The following ASTN2 variants were observed in gnomAD, a reference collection of about 807,000 sequenced individuals.
ASTN2 encodes the protein astrotactin-2.
ASTN2 carries 54 observed loss-of-function variants against 139.8 expected under a neutral mutation model. The ratio of observed to expected loss-of-function variants is 0.39; its 90% CI spans 0.31 to 0.48. The LOEUF (loss-of-function observed/expected upper bound fraction) is 0.48, where lower values mean the gene tolerates loss of function less well. Among genes scored for constraint, ASTN2 ranks in the 20% least tolerant of loss-of-function variants. The pLI, the probability that ASTN2 is intolerant of heterozygous loss-of-function variation, is 0.95. For synonymous variants in ASTN2, 756 were observed against 719.5 expected (o/e 1.05, Z -0.81); for missense variants, 1,565 against 1,725.1 (o/e 0.91, Z 1.64).
chr9:117,169,545 A>G (rs952410901), intron 3 of ASTN2, among the ~76,000 whole-genome samples: 2 of 152,158 alleles, frequency 1.3e-5, no homozygotes, highest in African/African-American at 4.8e-5. Context: ...AACACAGACC[A>G]GATAAAACAG....
chr9:117,063,168 G>A (rs1472462892), intron 5 of ASTN2, among the ~76,000 whole-genome samples: 4 of 152,068 alleles, frequency 2.6e-5, no homozygotes, highest in Non-Finnish European at 5.9e-5. Context: ...ATATTCCATG[G>A]TAATATGTTA....
chr9:117,102,832 T>A (rs963638157), intron 4 of ASTN2, among the ~76,000 whole-genome samples: 1 of 152,086 alleles, frequency 6.6e-6, no homozygotes, highest in East Asian at 1.9e-4. Context: ...AATTAATGAT[T>A]AATTTTATCT....
chr9:116,857,822 C>G (rs1246917641), intron 11 of ASTN2, among the ~76,000 whole-genome samples: 2 of 152,154 alleles, frequency 1.3e-5, no homozygotes, highest in African/African-American at 2.4e-5. Context: ...AGCTCTTTCC[C>G]CCTTGAATCT....
chr9:117,332,646 G>C (rs911599533), intron 1 of ASTN2, among the ~76,000 whole-genome samples: 1 of 152,110 alleles, frequency 6.6e-6, no homozygotes, highest in Non-Finnish European at 1.5e-5. Context: ...AGGCTTGGGG[G>C]CTTAAGTCAC....
rs1354299846 is a variant in ASTN2, at chr9:117,207,258, A to G, written c.1015+7100T>C. Reference sequence around the variant, plus strand: ...AGCTATATGGCCATGTCCCAGGTCCAAAAGAGTCCTGTGGGCCACCACCCA... The same window carrying G: ...AGCTATATGGCCATGTCCCAGGTCCGAAAGAGTCCTGTGGGCCACCACCCA... On this transcript the variant is annotated intron_variant, in intron 3 of 22. Transcript: ENST00000313400. Among the ~76,000 whole-genome samples the G allele has an allele frequency of 2.6e-5, 4 of 152,110 alleles. No homozygotes were observed. In the East Asian group the frequency reaches 7.7e-4, roughly 29 times the overall value.
At chr9:117,063,381 G>A (rs992221628) in intron 5 of ASTN2, among the ~76,000 whole-genome samples, 1 of 152,216 alleles carries the variant, frequency 6.6e-6, no homozygotes, top group African/African-American at 2.4e-5. Flanking sequence ...GAATCACGGG[G>A]GTGATTTCTC....
intron 19 of ASTN2, among the ~76,000 whole-genome samples, chr9:116,537,108 C>CT (rs1379238808): frequency 6.6e-6 from 1 of 152,200 alleles, no homozygotes; most frequent in Non-Finnish European, 1.5e-5. Flanking sequence ...TCTCAGACTG[C>CT]TGTGCTAGCA....
chr9:117,269,084 T>C (rs1489703044), intron 2 of ASTN2, among the ~76,000 whole-genome samples: 1 of 152,220 alleles, frequency 6.6e-6, no homozygotes, highest in Non-Finnish European at 1.5e-5. Context: ...GTTTTTCTTC[T>C]AGTCTTTTCC....
chr9:116,594,869 CT>C (rs1854502932), intron 19 of ASTN2, among the ~76,000 whole-genome samples: 1 of 152,184 alleles, frequency 6.6e-6, no homozygotes, highest in Admixed American at 6.5e-5. Context: ...TCCCCATACC[CT>C]CAGCCAAAAG....
chr9:117,036,327 C>T lies in ASTN2; in HGVS notation c.1423+3492G>A, dbSNP rs532172522. 7.2e-5 allele frequency among the ~76,000 whole-genome samples: 11 copies of T among 152,300 alleles called. No homozygotes were observed. The South Asian group carries it at 1.2e-3, about 17-fold the overall frequency. On this transcript the variant is annotated intron_variant, in intron 6 of 22. Coordinates refer to ENST00000313400, the MANE Select transcript of ASTN2 (RefSeq NM_001365068.1). The stretch of plus-strand genomic sequence containing the variant: ...ATGCTGTCTTCTAAGCTTGCTCCAT[C>T]GCATCTCCAGGATGTGTATACTCCG...
At chr9:116,945,862 G>A (rs1255509569) in intron 10 of ASTN2, among the ~76,000 whole-genome samples, 2 of 152,164 alleles carry the variant, frequency 1.3e-5, no homozygotes, top group African/African-American at 2.4e-5. Context: ...AACTATATGA[G>A]ACTGGGTAAT....
chr9:117,269,886 C>A (rs1228525467), intron 2 of ASTN2, among the ~76,000 whole-genome samples: 1 of 152,198 alleles, frequency 6.6e-6, no homozygotes, highest in Admixed American at 6.5e-5. Flanking sequence ...TTTTGGGGCA[C>A]ATACTCTGCA....
At position 116,425,614 on chromosome 9, in the gene ASTN2, A is replaced by G. The variant is rs939622410; in HGVS notation, c.*237T>C. The G allele has an allele frequency of 1.9e-6, 3 of 1,612,952 alleles. No individual in the cohort carries two copies. The highest frequency in any genetic ancestry group is 2.5e-6 in the Non-Finnish European group (3 of 1,179,692). Reference sequence around the variant, plus strand: ...TTTAAAAAGGAGAGACTTTTGATAGAGTCAAATAATATCTTTGAAAAAATA... The same window carrying G: ...TTTAAAAAGGAGAGACTTTTGATAGGGTCAAATAATATCTTTGAAAAAATA... On this transcript the variant is annotated 3_prime_UTR_variant, in exon 23 of 23. Transcript: ENST00000313400.
chr9:117,116,647 G>A (rs1418654423), intron 4 of ASTN2, among the ~76,000 whole-genome samples: 2 of 150,788 alleles, frequency 1.3e-5, no homozygotes, highest in African/African-American at 2.4e-5. Flanking sequence ...AGGCAACAGT[G>A]GAAGCTTTGC....
At chr9:117,405,379 A>T (rs1161584527) in intron 1 of ASTN2, among the ~76,000 whole-genome samples, 1 of 152,204 alleles carries the variant, frequency 6.6e-6, no homozygotes, top group Non-Finnish European at 1.5e-5. Context: ...ACCCTATAAC[A>T]TGGGATGAGC....
At chr9:116,504,299 C>T (rs1345277138) in intron 19 of ASTN2, 1 of 152,074 alleles carries the variant, frequency 6.6e-6, no homozygotes, top group African/African-American at 2.4e-5. Flanking sequence ...AGCAGCAAAA[C>T]CTGTGCGACT....
intron 6 of ASTN2, among the ~76,000 whole-genome samples, chr9:117,029,050 G>C (rs529333864): frequency 6.6e-6 from 1 of 152,232 alleles, no homozygotes; most frequent in African/African-American, 2.4e-5. Context: ...ACATTCTGTG[G>C]ATGTTGATTC....
At chr9:116,900,733 C>T (rs1166004368) in intron 10 of ASTN2, among the ~76,000 whole-genome samples, 1 of 152,098 alleles carries the variant, frequency 6.6e-6, no homozygotes, top group Admixed American at 6.6e-5. Context: ...CTGCTTCCTC[C>T]CTCCCTTCTC....
intron 3 of ASTN2, among the ~76,000 whole-genome samples, chr9:117,183,312 T>G (rs1831121119): frequency 6.6e-6 from 1 of 152,206 alleles, no homozygotes; most frequent in Non-Finnish European, 1.5e-5. Flanking sequence ...GCTGAGTAGT[T>G]GAGAGAATTA....
Sources: allele counts gnomAD v4.1 joint callset (sites outside exome capture counted in the v4.1 genomes callset), GRCh38; gene constraint gnomAD v4.1.1; transcripts MANE v1.5; gene names NCBI Gene and HGNC (gene_info 2026-07-23, HGNC 2026-07-21).